Variants in BBX observed in about 807,000 individuals in gnomAD.
BBX encodes the protein BBX high mobility group box domain containing, also known as HMG box transcription factor BBX.
In BBX, 30 loss-of-function variants were observed where a neutral mutation model predicts 100.2. The observed-to-expected ratio is 0.30, with a 90% confidence interval of 0.22 to 0.41. The LOEUF (loss-of-function observed/expected upper bound fraction) is 0.41. Among genes scored for constraint, BBX ranks in the 10% least tolerant of loss-of-function variants. The pLI is 1.00. For missense variants in BBX, 1,023 were observed against 1,129.8 expected, an observed-to-expected ratio of 0.91 and a Z score of 1.35; for synonymous variants, 376 against 388.1, an observed-to-expected ratio of 0.97 and a Z score of 0.37.
intron 2 of BBX, among the ~76,000 whole-genome samples, chr3:107,595,406 A>G (rs1316524550): frequency 1.3e-5 from 2 of 152,364 alleles, no homozygotes; most frequent in African/African-American, 4.8e-5. Flanking sequence ...CTTGAAAGTG[A>G]AAGGTTTATT....
At chr3:107,602,441 A>G (rs1237122631) in intron 2 of BBX, among the ~76,000 whole-genome samples, 1 of 152,232 alleles carries the variant, frequency 6.6e-6, no homozygotes, top group Non-Finnish European at 1.5e-5. Context: ...TTGGCCAGAC[A>G]TGGTGGCTCA....
intron 5 of BBX, among the ~76,000 whole-genome samples, chr3:107,725,424 G>A (rs1180695354): frequency 6.6e-6 from 1 of 152,020 alleles, no homozygotes; most frequent in Non-Finnish European, 1.5e-5. Flanking sequence ...TGATTGCCCT[G>A]GCCAGAACTT....
chr3:107,798,355 A>T (rs1019144104), intron 15 of BBX, among the ~76,000 whole-genome samples, 168 bp from the exon 16 acceptor site: 2 of 152,226 alleles, frequency 1.3e-5, no homozygotes, highest in Admixed American at 1.3e-4. Flanking sequence ...TTGGTAGTAA[A>T]CAAGTTAGGG....
rs184072966 is a variant in BBX at position 107,587,686 on chromosome 3, C to T, written c.-83-58150C>T. On this transcript the variant is annotated intron_variant, in intron 2 of 17. Transcript: ENST00000325805. Reference sequence around the variant, plus strand: ...ACTTAACAGGAGATGCGGGCCCCAACTGAAATCATTCGAATTCATTTTCAC... The same window carrying T: ...ACTTAACAGGAGATGCGGGCCCCAATTGAAATCATTCGAATTCATTTTCAC... 2.6e-5 allele frequency among the ~76,000 whole-genome samples: 4 copies of T among 152,268 alleles called. No individual in the cohort carries two copies. In the East Asian group the frequency reaches 7.7e-4, roughly 29 times the overall value.
chr3:107,627,639 TTTAC>T (rs2056277881), intron 2 of BBX, among the ~76,000 whole-genome samples: 1 of 152,160 alleles, frequency 6.6e-6, no homozygotes. Flanking sequence ...CATTTAAACT[TTTAC>T]TTTCTCTAAG....
chr3:107,618,841 C>T (rs1488347396), intron 2 of BBX, among the ~76,000 whole-genome samples: 3 of 151,896 alleles, frequency 2.0e-5, no homozygotes, highest in Non-Finnish European at 4.4e-5. Flanking sequence ...GGTTTGTGTT[C>T]CCTGGGCACC....
At chr3:107,745,259 T>G (rs956520947) in intron 8 of BBX, among the ~76,000 whole-genome samples, 2 of 152,194 alleles carry the variant, frequency 1.3e-5, no homozygotes, top group African/African-American at 2.4e-5. Flanking sequence ...ATATCAAGTC[T>G]AAAGTTTAAG....
At chr3:107,681,563 C>G (rs1442504759) in intron 3 of BBX, among the ~76,000 whole-genome samples, 1 of 151,986 alleles carries the variant, frequency 6.6e-6, no homozygotes, top group Non-Finnish European at 1.5e-5. Context: ...AGTGAAACAG[C>G]CTTGCCAAGT....
In BBX at chr3:107,567,621, C is replaced by T. The variant is rs146134184; in HGVS notation, c.-84+41223C>T. On this transcript the variant is annotated intron_variant, in intron 2 of 17. Transcript: ENST00000325805. Reference sequence around the variant, plus strand: ...CACATCCCTGAATTTTAAACCTTTACGTGTCATTTTGTTTTAGGTGTATCT... The same window carrying T: ...CACATCCCTGAATTTTAAACCTTTATGTGTCATTTTGTTTTAGGTGTATCT... Among the ~76,000 whole-genome samples the T allele has an allele frequency of 3.9e-5, 6 of 152,184 alleles. No individual in the cohort carries two copies. In the East Asian group the frequency reaches 1.2e-3, roughly 29 times the overall value.
At chr3:107,635,309 A>G (rs1576102735) in intron 2 of BBX, among the ~76,000 whole-genome samples, 1 of 152,124 alleles carries the variant, frequency 6.6e-6, no homozygotes, top group Non-Finnish European at 1.5e-5. Flanking sequence ...CCATGTTTTT[A>G]TTTTGTTTAA....
rs1553742657 is a variant in BBX, at chr3:107,605,386, T to TG, written c.-83-40441dup. 2.6e-3 allele frequency among the ~76,000 whole-genome samples: 386 copies of TG among 149,320 alleles called. 3 individuals carry two copies. The highest frequency in any genetic ancestry group is 5.6e-3 in the African/African-American group (226 of 40,656). Reference sequence around the variant, plus strand: ...ATTCTTCACTTTCTATTTTTTTTTTTGGGGGGGGGATTTAATATTAAACCC... The same window carrying TG: ...ATTCTTCACTTTCTATTTTTTTTTTTGGGGGGGGGGATTTAATATTAAACCC... On this transcript the variant is annotated intron_variant, in intron 2 of 17. Transcript: ENST00000325805.
intron 1 of BBX, chr3:107,524,013 G>C (rs113432986): frequency 3.0e-3 from 465 of 152,524 alleles, no homozygotes; most frequent in Non-Finnish European, 5.6e-3. Flanking sequence ...GACAGAGAGA[G>C]AGGGAGAGAG....
chr3:107,773,131 G>A lies in BBX; in HGVS notation c.1410G>A (p.Lys470=), dbSNP rs2067037902. 2.5e-6 allele frequency: 4 copies of A among 1,613,918 alleles called. No individual in the cohort carries two copies. In the African/African-American group the frequency reaches 5.3e-5, roughly 22 times the overall value. ...ATGGAAATGATAAATCCACACCCAA[G>A]AAGACTTGCAAAAAGAGGCAGTCTT... ...DRHGNDKSTP[K]KTCKKRQSSE... is the part of the protein sequence containing the mutation. The change falls in exon 11 of 18, where the codon AAG becomes AAA. Residue 470 remains lysine, a synonymous_variant. Transcript: ENST00000325805. The surrounding 1 kb of genome is among the most constrained non-coding windows in gnomAD (Gnocchi z 4.1).
intron 15 of BBX, among the ~76,000 whole-genome samples, chr3:107,796,246 C>T (rs1487970927): frequency 6.6e-6 from 1 of 152,200 alleles, no homozygotes; most frequent in Non-Finnish European, 1.5e-5. Context: ...TCATCTTTCC[C>T]AACCGACTTG....
intron 13 of BBX, among the ~76,000 whole-genome samples, chr3:107,788,753 G>A (rs2068692669): frequency 6.6e-6 from 1 of 152,050 alleles, no homozygotes; most frequent in South Asian, 2.1e-4. Context: ...CCAGCCTGGT[G>A]ACAGAGTGAG....
chr3:107,663,193 C>G (rs528723427), intron 3 of BBX, among the ~76,000 whole-genome samples: 5 of 152,190 alleles, frequency 3.3e-5, no homozygotes, highest in Non-Finnish European at 5.9e-5. Context: ...GAATATGTGC[C>G]TTTAAACAAA....
intron 5 of BBX, among the ~76,000 whole-genome samples, chr3:107,722,005 A>C (rs77048678): frequency 0.01 from 1,548 of 152,104 alleles, 17 homozygotes; most frequent in African/African-American, 0.035. Context: ...CTGTTAATAC[A>C]TTGAAGGGCT....
Position 107,710,978 on chromosome 3 carries a change from C to T in BBX, c.162+356C>T, listed in dbSNP as rs868240905. ...GCCTCTCTGTCTTGGCTTCTGGCCTCGCCCTGCTACCATTGGCAGTCTTAG... is the reference window on the plus strand; with the variant it reads ...GCCTCTCTGTCTTGGCTTCTGGCCTTGCCCTGCTACCATTGGCAGTCTTAG... On this transcript the variant is annotated intron_variant, in intron 4 of 17. Transcript: ENST00000325805. Among the ~76,000 whole-genome samples, 9 of 152,320 alleles carry T rather than the reference C, an allele frequency of 5.9e-5. No homozygotes were observed. In the Middle Eastern group the frequency reaches 0.01, roughly 173 times the overall value.
chr3:107,737,828 T>C lies in BBX; in HGVS notation c.669+4805T>C, dbSNP rs139357958. ...CAAGATTTCTTAAAATCCAAAAATA[T>C]AGGTTAAATATTGCTTATTCAAAAC... is the stretch of plus-strand genomic sequence containing the variant. On this transcript the variant is annotated intron_variant, in intron 7 of 17. Coordinates refer to ENST00000325805, the MANE Select transcript of BBX (RefSeq NM_001142568.3). Among the ~76,000 whole-genome samples the C allele has an allele frequency of 5.2e-3, 784 of 149,918 alleles. 2 individuals carry two copies. The highest frequency in any genetic ancestry group is 8.4e-3 in the Admixed American group (126 of 14,962).
Sources: gnomAD v4.1 joint callset for allele counts (sites outside exome capture counted in the v4.1 genomes callset) on GRCh38, gnomAD v4.1.1 for gene constraint, Gnocchi (gnomAD v3.1) non-coding constraint, MANE v1.5 for transcripts, NCBI Gene and HGNC (gene_info 2026-07-23, HGNC 2026-07-21) for gene names.